C1QTNF7: variants seen among roughly 807,000 people sequenced by gnomAD.
The protein encoded by C1QTNF7 is C1q and TNF related 7.
C1QTNF7 carries 15 observed loss-of-function variants against 19.6 expected under a neutral mutation model. That is an observed-to-expected ratio of 0.76 (90% CI 0.51 to 1.18). The LOEUF is 1.18. Among genes scored for constraint, C1QTNF7 ranks in the 50% most tolerant of loss-of-function variants. The pLI, the probability that C1QTNF7 is intolerant of heterozygous loss-of-function variation, is 0.00. For synonymous variants in C1QTNF7, 142 were observed against 137.5 expected (o/e 1.03, Z -0.23); for missense variants, 324 against 359.7 (o/e 0.90, Z 0.80).
In C1QTNF7 at chr4:15,442,727, C is replaced by G; in HGVS notation, c.798C>G (p.Ser266Arg). The G allele has an allele frequency of 6.2e-7, 1 of 1,614,108 alleles. No individual in the cohort carries two copies. ...TCTCAGACCCAGGTTGGGCAGACAG[C>G]TTATTCTCCGGGTTTCTCTTATACG... Reference protein sequence around the residue: ...GLFSDPGWADSLFSGFLLYVD... With the variant: ...GLFSDPGWADRLFSGFLLYVD... Residue 266 changes from serine to arginine, a missense_variant, in exon 3 of 3, where the codon AGC becomes AGG. Ser to Arg is a moderately radical substitution (Grantham distance 110, BLOSUM62 -1). Transcript: ENST00000444304.
chr4:15,422,886 G>T (rs1711846449), intron 1 of C1QTNF7, among the ~76,000 whole-genome samples: 1 of 152,148 alleles, frequency 6.6e-6, no homozygotes, highest in South Asian at 2.1e-4. Flanking sequence ...TGGAATTACA[G>T]TTATGAGCCA....
chr4:15,404,445 T>C (rs1719120302), intron 1 of C1QTNF7, among the ~76,000 whole-genome samples: 2 of 152,238 alleles, frequency 1.3e-5, no homozygotes, highest in Admixed American at 1.3e-4. Context: ...TAAATCATGG[T>C]GAAGGTTAAA....
intron 1 of C1QTNF7, among the ~76,000 whole-genome samples, chr4:15,377,562 T>C (rs1717985315): frequency 6.6e-6 from 1 of 152,352 alleles, no homozygotes; most frequent in Middle Eastern, 3.4e-3. Flanking sequence ...GTGTTGAATA[T>C]AATATCTTCA....
At chr4:15,384,569 C>T (rs1718261694) in intron 1 of C1QTNF7, among the ~76,000 whole-genome samples, 1 of 152,118 alleles carries the variant, frequency 6.6e-6, no homozygotes, top group African/African-American at 2.4e-5. Flanking sequence ...GCCTCACCAG[C>T]AAAGAGGTGT....
chr4:15,359,573 G>A (rs1014686161), intron 1 of C1QTNF7, among the ~76,000 whole-genome samples: 14 of 152,136 alleles, frequency 9.2e-5, no homozygotes, highest in African/African-American at 3.4e-4. Flanking sequence ...CCAAGGGATT[G>A]TGATGCCACA....
rs116729341 is a variant in C1QTNF7 at position 15,379,197 on chromosome 4, T to C, written c.13+38990T>C. Among the ~76,000 whole-genome samples the C allele has an allele frequency of 7.6e-3, 1,158 of 152,256 alleles. 21 individuals carry two copies. The highest frequency in any genetic ancestry group is 0.026 in the African/African-American group (1,095 of 41,540). ...TTGTAAACAAGTTCCCGAGTTAAGA[T>C]TCAAGGACTGAAAAATAAGAGTAAA... On this transcript the variant is annotated intron_variant, in intron 1 of 2. Transcript: ENST00000295297.
rs115611495 is a variant in C1QTNF7 at position 15,422,037 on chromosome 4, C to G, written c.14-13699C>G. Among the ~76,000 whole-genome samples the G allele has an allele frequency of 9.6e-3, 1,454 of 152,082 alleles. 13 individuals carry two copies. Among genetic ancestry groups the G allele is most frequent in the African/African-American group, 0.034 (1,394 of 41,486 alleles). On this transcript the variant is annotated intron_variant, in intron 1 of 2. Transcript: ENST00000295297. ...TTGCAGGCAGCTGGGGTGGAGGAGA[C>G]TGACTACAAAGGGACATAAGGGAAC...
chr4:15,402,124 A>G (rs1043288366), intron 1 of C1QTNF7, among the ~76,000 whole-genome samples: 2 of 152,234 alleles, frequency 1.3e-5, no homozygotes, highest in African/African-American at 4.8e-5. Flanking sequence ...AATGTCTTGT[A>G]TGTGTTGTTT....
chr4:15,418,991 T>C (rs1298796310), intron 1 of C1QTNF7, among the ~76,000 whole-genome samples: 3 of 152,234 alleles, frequency 2.0e-5, no homozygotes, highest in African/African-American at 7.2e-5. Context: ...TGACGTTCTC[T>C]TCACAGCAGA....
At chr4:15,401,200 T>C (rs911139975) in intron 1 of C1QTNF7, among the ~76,000 whole-genome samples, 1 of 152,180 alleles carries the variant, frequency 6.6e-6, no homozygotes, top group Non-Finnish European at 1.5e-5. Context: ...CATATCATTT[T>C]TGTTGTGTAG....
At chr4:15,409,230 TA>T (rs1560360006) in intron 1 of C1QTNF7, among the ~76,000 whole-genome samples, 1 of 152,204 alleles carries the variant, frequency 6.6e-6, no homozygotes, top group East Asian at 1.9e-4. Context: ...ATTATTGACA[TA>T]AAAAGGGTGA....
Position 15,440,422 on chromosome 4 carries a change from T to C in C1QTNF7, c.239-1746T>C, listed in dbSNP as rs1188842505. Among the ~76,000 whole-genome samples, 3 of 151,818 alleles carry C rather than the reference T, an allele frequency of 2.0e-5. No individual in the cohort carries two copies. In the East Asian group the frequency reaches 5.8e-4, roughly 29 times the overall value. The stretch of plus-strand genomic sequence containing the variant: ...CAGAAGCAACTTTTTTTTTTTTTTT[T>C]TTTGATACTGAGTCTTGCACTGCCG... On this transcript the variant is annotated intron_variant, in intron 2 of 2. Transcript: ENST00000444304.
At chr4:15,396,103 G>A (rs1419432956) in intron 1 of C1QTNF7, among the ~76,000 whole-genome samples, 1 of 152,146 alleles carries the variant, frequency 6.6e-6, no homozygotes, top group African/African-American at 2.4e-5. Context: ...AAGTGGATGT[G>A]GCTGAGACCT....
At chr4:15,380,796 A>C (rs1394286131) in intron 1 of C1QTNF7, among the ~76,000 whole-genome samples, 1 of 152,158 alleles carries the variant, frequency 6.6e-6, no homozygotes, top group African/African-American at 2.4e-5. Flanking sequence ...TTAGCCAGGC[A>C]TGGTGGCAGA....
At chr4:15,355,995 C>T (rs1413082242) in intron 1 of C1QTNF7, among the ~76,000 whole-genome samples, 1 of 152,104 alleles carries the variant, frequency 6.6e-6, no homozygotes, top group African/African-American at 2.4e-5. Flanking sequence ...GCCACCATGC[C>T]TGGCTAATAT....
rs768433452 is a variant in C1QTNF7 at position 15,442,454 on chromosome 4, A to G, written c.525A>G (p.Gly175=). 1 of 1,614,224 alleles carries G rather than the reference A, an allele frequency of 6.2e-7. No individual in the cohort carries two copies. Among genetic ancestry groups the G allele is most frequent in the South Asian group, 1.1e-5 (1 of 91,082 alleles). Residue 175 remains glycine, a synonymous_variant, in exon 3 of 3, where the codon GGA becomes GGG. Transcript: ENST00000444304. ...IIFNKVLFNE[G]EHYNPATGKF... ...TTAACAAGGTCCTCTTCAACGAGGG[A>G]GAGCACTACAACCCTGCCACAGGGA...
intron 1 of C1QTNF7, among the ~76,000 whole-genome samples, chr4:15,363,819 C>G (rs1017194278): frequency 3.3e-5 from 5 of 152,220 alleles, no homozygotes; most frequent in African/African-American, 1.2e-4. Context: ...ATGTCACTAT[C>G]TTTGCATCAG....
chr4:15,348,073 G>T (rs1476745454), intron 1 of C1QTNF7, among the ~76,000 whole-genome samples: 1 of 152,162 alleles, frequency 6.6e-6, no homozygotes, highest in Non-Finnish European at 1.5e-5. Context: ...CAAGCTAGAA[G>T]ATAGTTACTT....
At position 15,445,238 on chromosome 4, in the gene C1QTNF7, T is replaced by C. The variant is rs1177088833; in HGVS notation, c.*2439T>C. 6.6e-6 allele frequency: 1 copy of C among 152,106 alleles called. No homozygotes were observed. The highest frequency in any genetic ancestry group is 1.9e-4 in the East Asian group (1 of 5,188). The allele number at this position is 152,106 out of a possible 1,614,324, so 9.4% of individuals were successfully genotyped here. A position where few individuals can be genotyped will look rare whatever the true frequency, so the allele number is the denominator to read the frequency against. ...CCTGCTTACAGATAACAGCCAAAGA[T>C]AGAATTCCAAGTTATAAAGCATAAA... is the stretch of plus-strand genomic sequence containing the variant. On this transcript the variant is annotated 3_prime_UTR_variant, in exon 3 of 3. Transcript: ENST00000444304.
Sources: gnomAD v4.1 joint callset for allele counts (sites outside exome capture counted in the v4.1 genomes callset) on GRCh38, gnomAD v4.1.1 for gene constraint, MANE v1.5 for transcripts, NCBI Gene and HGNC (gene_info 2026-07-23, HGNC 2026-07-21) for gene names.